NCOA2: variants seen among roughly 807,000 people sequenced by gnomAD.
NCOA2 encodes nuclear receptor coactivator 2.
NCOA2 carries 21 observed loss-of-function variants against 145.1 expected under a neutral mutation model. The observed-to-expected ratio is 0.14, with a 90% CI of 0.10 to 0.21. The LOEUF is 0.21. Ranked by LOEUF, NCOA2 falls within the 10% of genes least tolerant of loss-of-function variation. The pLI is 1.00. For missense variants in NCOA2, 1,472 were observed against 1,837.6 expected, an observed-to-expected ratio of 0.80 and a Z score of 3.64; for synonymous variants, 619 against 637.5, an observed-to-expected ratio of 0.97 and a Z score of 0.44.
intron 21 of NCOA2, among the ~76,000 whole-genome samples, chr8:70,121,629 T>A (rs759361367): frequency 6.6e-6 from 1 of 152,248 alleles, no homozygotes; most frequent in African/African-American, 2.4e-5. Flanking sequence ...TTTATCTGCA[T>A]GCTGTACAGA....
intron 1 of NCOA2, among the ~76,000 whole-genome samples, chr8:70,378,943 C>G (rs56016016): frequency 0.011 from 1,666 of 152,140 alleles, 34 homozygotes; most frequent in African/African-American, 0.039. Context: ...TTCCACATAG[C>G]TCCTAAGGGG....
intron 2 of NCOA2, among the ~76,000 whole-genome samples, chr8:70,253,049 C>A (rs575131581): frequency 6.6e-6 from 1 of 152,252 alleles, no homozygotes; most frequent in African/African-American, 2.4e-5. Context: ...CCTTTCCTTT[C>A]CTTTCTTCTG....
At chr8:70,319,788 A>G (rs1563759866) in intron 1 of NCOA2, among the ~76,000 whole-genome samples, 1 of 152,216 alleles carries the variant, frequency 6.6e-6, no homozygotes, top group East Asian at 1.9e-4. Context: ...CAGGCTTGTT[A>G]TCTCCTAGAT....
chr8:70,252,958 T>C (rs1405351237), intron 2 of NCOA2, among the ~76,000 whole-genome samples: 1 of 152,250 alleles, frequency 6.6e-6, no homozygotes, highest in Non-Finnish European at 1.5e-5. Context: ...AGCATATCAC[T>C]GCTTCTTAGC....
chr8:70,126,654 C>G, intron 19 of NCOA2, 159 bp downstream of exon 19: 1 of 657,670 alleles, frequency 1.5e-6, no homozygotes, highest in Non-Finnish European at 2.7e-6. Context: ...GGACTCCTCA[C>G]AGGCCCCAAC....
intron 2 of NCOA2, among the ~76,000 whole-genome samples, chr8:70,295,251 C>T (rs972747496): frequency 2.6e-5 from 4 of 152,072 alleles, no homozygotes; most frequent in Admixed American, 2.0e-4. Flanking sequence ...AAACATTTCC[C>T]CAACCTAGAA....
At chr8:70,221,357 C>T (rs1820119061) in intron 2 of NCOA2, among the ~76,000 whole-genome samples, 1 of 152,166 alleles carries the variant, frequency 6.6e-6, no homozygotes, top group Non-Finnish European at 1.5e-5. Flanking sequence ...TGCTTTATCA[C>T]AAATGAAAAC....
At chr8:70,180,382 C>T (rs932444343) in intron 4 of NCOA2, among the ~76,000 whole-genome samples, 1 of 152,078 alleles carries the variant, frequency 6.6e-6, no homozygotes, top group African/African-American at 2.4e-5. Flanking sequence ...TCCATTTGCC[C>T]GCGCTCCAGA....
rs1017811120 is a variant in NCOA2 at position 70,197,161 on chromosome 8, CTT to C, written c.259+16740_259+16741del. Among the ~76,000 whole-genome samples, 16 of 152,286 alleles carry C rather than the reference CTT, an allele frequency of 1.1e-4. 1 individual carries two copies. The highest frequency in any genetic ancestry group is 1.0e-3 in the Admixed American group (16 of 15,304). ...AGGAATTTTGATTCTTAGTATTAGA[CTT>C]TATTTAAACATTACCCATATGGTGA... On this transcript the variant is annotated intron_variant, in intron 4 of 22. Coordinates refer to ENST00000452400, the MANE Select transcript of NCOA2 (RefSeq NM_006540.4).
chr8:70,367,152 A>T (rs1049450041), intron 1 of NCOA2, among the ~76,000 whole-genome samples: 2 of 152,198 alleles, frequency 1.3e-5, no homozygotes, highest in Non-Finnish European at 2.9e-5. Context: ...TTTTAGAAAT[A>T]AACACAAGTT....
At chr8:70,348,333 A>C (rs1051670684) in intron 1 of NCOA2, among the ~76,000 whole-genome samples, 2 of 152,230 alleles carry the variant, frequency 1.3e-5, no homozygotes, top group African/African-American at 4.8e-5. Context: ...TAAGGTAGTA[A>C]GGGAAAGACA....
chr8:70,323,156 T>C (rs940751300), intron 1 of NCOA2, among the ~76,000 whole-genome samples: 2 of 152,344 alleles, frequency 1.3e-5, no homozygotes, highest in South Asian at 4.1e-4. Context: ...AACTGGTCAG[T>C]ATGTACTGAG....
intron 1 of NCOA2, among the ~76,000 whole-genome samples, chr8:70,369,864 G>A (rs1411652927): frequency 6.6e-6 from 1 of 151,804 alleles, no homozygotes; most frequent in Admixed American, 6.6e-5. Context: ...AGGCAGAATA[G>A]TGCCTCATTA....
chr8:70,423,749 C>T, the NCOA2 span, among the ~76,000 whole-genome samples: 11 of 152,102 alleles, frequency 7.2e-5, no homozygotes, highest in African/African-American at 1.9e-4. Flanking sequence ...CTCAAAGGAA[C>T]GAGTAACTGG....
intron 2 of NCOA2, chr8:70,245,283 T>C (rs1822517066): frequency 6.6e-6 from 1 of 152,106 alleles, no homozygotes; most frequent in Non-Finnish European, 1.5e-5. Context: ...CACAAATCCT[T>C]TTTTAGCTGC....
intron 1 of NCOA2, among the ~76,000 whole-genome samples, chr8:70,308,160 T>A (rs1186102261): frequency 6.6e-6 from 1 of 152,164 alleles, no homozygotes; most frequent in East Asian, 1.9e-4. Flanking sequence ...AGAAAAAATG[T>A]AATCCTTTTT....
upstream of NCOA2, among the ~76,000 whole-genome samples, chr8:70,407,874 G>T (rs1814806628): frequency 6.6e-6 from 1 of 152,122 alleles, no homozygotes; most frequent in Non-Finnish European, 1.5e-5. Context: ...AAGTCATACT[G>T]TACACTGTCA....
intron 4 of NCOA2, among the ~76,000 whole-genome samples, chr8:70,182,179 C>T (rs746954852): frequency 1.3e-5 from 2 of 152,212 alleles, no homozygotes; most frequent in Admixed American, 6.5e-5. Context: ...AGTCTCCTGC[C>T]GTGCATATTA....
intron 4 of NCOA2, among the ~76,000 whole-genome samples, chr8:70,212,690 T>G (rs1302002005): frequency 6.6e-6 from 1 of 152,192 alleles, no homozygotes; most frequent in Non-Finnish European, 1.5e-5. Flanking sequence ...GCTCATGTAT[T>G]ATAAAGACAA....
Sources: allele counts gnomAD v4.1 joint callset (sites outside exome capture counted in the v4.1 genomes callset), GRCh38; gene constraint gnomAD v4.1.1; transcripts MANE v1.5; gene names NCBI Gene and HGNC (gene_info 2026-07-23, HGNC 2026-07-21).